Variants in NMUR2 observed in about 807,000 individuals in gnomAD.
NMUR2 encodes the protein neuromedin-U receptor 2.
Under a neutral mutation model 25.1 loss-of-function variants are expected in NMUR2, and 24 were observed. The ratio of observed to expected loss-of-function variants is 0.96; its 90% CI spans 0.69 to 1.34. The LOEUF (loss-of-function observed/expected upper bound fraction) is 1.34. NMUR2 is among the 40% of genes most tolerant of loss of function. NMUR2 has a pLI of 0.00. For missense variants in NMUR2, 533 were observed against 512.8 expected (o/e 1.04, Z -0.38); for synonymous variants, 218 against 208.1 (o/e 1.05, Z -0.41).
chr5:152,399,301 T>C (rs1304170267), intron 1 of NMUR2, among the ~76,000 whole-genome samples: 1 of 152,144 alleles, frequency 6.6e-6, no homozygotes, highest in Non-Finnish European at 1.5e-5. Flanking sequence ...TTAGGGAATG[T>C]ACTCCTTCCC....
Position 152,404,482 on chromosome 5 carries a change from C to G in NMUR2, c.632G>C (p.Trp211Ser), listed in dbSNP as rs747399497. ...GACCTGGATGATGAAATTGTAGATC[C>G]ACATGGGCTTGATGACCGTACAGGT... ...SATCTVIKPM[W>S]IYNFIIQVTS... Residue 211 changes from tryptophan to serine, a missense_variant, in exon 1 of 4, where the codon TGG (tryptophan) becomes TCG (serine). Transcript: ENST00000255262. 1.2e-6 allele frequency: 2 copies of G among 1,614,068 alleles called. No homozygotes were observed. Among genetic ancestry groups the G allele is most frequent in the South Asian group, 2.2e-5 (2 of 91,074 alleles).
chr5:152,402,194 G>T (rs553071134), intron 1 of NMUR2, among the ~76,000 whole-genome samples: 1 of 152,116 alleles, frequency 6.6e-6, no homozygotes, highest in African/African-American at 2.4e-5. Context: ...GAGCTTCCCT[G>T]AGGAAGCGTG....
At chr5:152,398,181 G>A (rs746455108) in intron 1 of NMUR2, 37 bp from the exon 2 acceptor site, 2 of 1,470,200 alleles carry the variant, frequency 1.4e-6, no homozygotes, top group East Asian at 2.3e-5. Context: ...TAGTAAGAAA[G>A]AGAAACATTT....
chr5:152,401,813 A>G (rs1753259449), intron 1 of NMUR2, among the ~76,000 whole-genome samples: 2 of 152,078 alleles, frequency 1.3e-5, no homozygotes, highest in African/African-American at 4.8e-5. Flanking sequence ...GAGCACAGAT[A>G]TGGGTTTCCT....
chr5:152,395,321 A>T, intron 3 of NMUR2, 138 bp downstream of exon 3: 1 of 956,564 alleles, frequency 1.0e-6, no homozygotes, highest in Non-Finnish European at 1.6e-6. Context: ...TCTCTGAATA[A>T]AAGAAAAATC....
intron 3 of NMUR2, 22 bp downstream of exon 3, chr5:152,395,434 GCAC>G: frequency 1.2e-6 from 2 of 1,613,054 alleles, no homozygotes; most frequent in Non-Finnish European, 1.7e-6. Flanking sequence ...TACTAGTCAT[GCAC>G]CAAATCCAGC....
At chr5:152,396,445 A>C (rs779336914) in intron 2 of NMUR2, among the ~76,000 whole-genome samples, 22 of 152,140 alleles carry the variant, frequency 1.4e-4, no homozygotes, top group Non-Finnish European at 2.6e-4. Context: ...TTTCATAGTA[A>C]GCAGTATTAT....
chr5:152,394,903 C>A (rs1753124198), intron 3 of NMUR2, among the ~76,000 whole-genome samples: 1 of 148,044 alleles, frequency 6.8e-6, no homozygotes, highest in Admixed American at 6.8e-5. Context: ...GTGAAGGCAG[C>A]CACGTTCTCC....
chr5:152,392,073 T>C lies in NMUR2; in HGVS notation c.*118A>G. On this transcript the variant is annotated 3_prime_UTR_variant, in exon 4 of 4. Transcript: ENST00000255262. ...TTATTAAAAAAAAAAAAACTAGCAA[T>C]GGGTACATGAGTTGTAAGAGCCATT... 1.2e-6 allele frequency: 1 copy of C among 826,678 alleles called. No individual in the cohort carries two copies. Among genetic ancestry groups the C allele is most frequent in the Admixed American group, 2.7e-5 (1 of 36,586 alleles). The allele number at this position is 826,678 out of a possible 1,614,324, so 51.2% of individuals were successfully genotyped here. A position where few individuals can be genotyped will look rare whatever the true frequency, so the allele number is the denominator to read the frequency against.
intron 2 of NMUR2, 24 bp downstream of exon 2, chr5:152,398,036 C>CAAAAA: frequency 1.3e-6 from 2 of 1,589,572 alleles, no homozygotes; most frequent in Non-Finnish European, 8.6e-7. Flanking sequence ...CAAAACAAAA[C>CAAAAA]AAAAAACAAA....
intron 2 of NMUR2, among the ~76,000 whole-genome samples, chr5:152,397,012 GTTTTTT>G (rs769998163): frequency 3.8e-5 from 4 of 105,728 alleles, no homozygotes; most frequent in South Asian, 3.6e-4. Flanking sequence ...TGAGCTTCAT[GTTTTTT>G]TTTTTTTTTT....
intron 1 of NMUR2, among the ~76,000 whole-genome samples, chr5:152,402,314 G>A (rs1046524883): frequency 1.3e-5 from 2 of 152,114 alleles, no homozygotes; most frequent in Admixed American, 6.5e-5. Flanking sequence ...AAGGCCCTGC[G>A]ATCAGTGACA....
chr5:152,400,281 G>A (rs192296343), intron 1 of NMUR2, among the ~76,000 whole-genome samples: 15 of 152,060 alleles, frequency 9.9e-5, no homozygotes, highest in Non-Finnish European at 1.6e-4. Flanking sequence ...GGACTAGAAA[G>A]GAAAAATCTG....
At position 152,399,875 on chromosome 5, in the gene NMUR2, C is replaced by T. The variant is rs544659181; in HGVS notation, c.727-1731G>A. Among the ~76,000 whole-genome samples, 6 of 152,224 alleles carry T rather than the reference C, an allele frequency of 3.9e-5. No individual in the cohort carries two copies. In the South Asian group the frequency reaches 1.2e-3, roughly 32 times the overall value. On this transcript the variant is annotated intron_variant, in intron 1 of 3. Transcript: ENST00000255262. ...TACAGTCATGGCAGTAGATTAGAAT[C>T]AATCTATTTAGTTACAGGTAGATAG...
chr5:152,395,597 G>T lies in NMUR2; in HGVS notation c.812-13C>A. The T allele has an allele frequency of 6.2e-7, 1 of 1,612,716 alleles. No homozygotes were observed. Among genetic ancestry groups the T allele is most frequent in the South Asian group, 1.1e-5 (1 of 90,942 alleles). On this transcript the variant is annotated splice_polypyrimidine_tract_variant and intron_variant, in intron 2 of 3. Transcript: ENST00000255262. Reference sequence around the variant, plus strand: ...AAGACCAAGACAACTGAAAATGGATGATAAATGGGAGACCAGAAGACAGTC... The same window carrying T: ...AAGACCAAGACAACTGAAAATGGATTATAAATGGGAGACCAGAAGACAGTC...
Position 152,394,907 on chromosome 5 carries a change from G to A in NMUR2, c.937+552C>T, listed in dbSNP as rs139055421. 1.7e-4 allele frequency among the ~76,000 whole-genome samples: 23 copies of A among 138,052 alleles called. No individual in the cohort carries two copies. In the East Asian group the frequency reaches 2.9e-3, roughly 17 times the overall value. The allele number at this position is 138,052 out of a possible 152,430, so 90.6% of individuals were successfully genotyped here. A position where few individuals can be genotyped will look rare whatever the true frequency, so the allele number is the denominator to read the frequency against. On this transcript the variant is annotated intron_variant, in intron 3 of 3. Transcript: ENST00000255262. ...GAAACTTTGGTGTGAAGGCAGCCAC[G>A]TTCTCCAGATCACTCAGAATAGCAA...
At chr5:152,394,082 T>C (rs1329483911) in intron 3 of NMUR2, among the ~76,000 whole-genome samples, 1 of 152,160 alleles carries the variant, frequency 6.6e-6, no homozygotes, top group African/African-American at 2.4e-5. Flanking sequence ...ATGTCATTAT[T>C]GAGGCTATAA....
intron 1 of NMUR2, among the ~76,000 whole-genome samples, chr5:152,402,586 T>A (rs1753275741): frequency 6.6e-6 from 1 of 152,196 alleles, no homozygotes; most frequent in South Asian, 2.1e-4. Flanking sequence ...ATGAAACTGA[T>A]TGTAACAGAT....
At position 152,404,700 on chromosome 5, in the gene NMUR2, G is replaced by T. The variant is rs1460703882; in HGVS notation, c.414C>A (p.Thr138=). The T allele has an allele frequency of 1.9e-6, 3 of 1,614,174 alleles. No individual in the cohort carries two copies. Among genetic ancestry groups the T allele is most frequent in the South Asian group, 2.2e-5 (2 of 91,084 alleles). ...CCACGTAGCGCTCCACGCTGACGGT[G>T]GTGATGCTGAGGATGGAGGCGAAGC... The part of the protein sequence containing the change: ...TVCFASILSI[T]TVSVERYVAI... The change falls in exon 1 of 4, where the codon ACC becomes ACA. Residue 138 remains threonine (T), a synonymous_variant. Coordinates refer to ENST00000255262, the MANE Select transcript of NMUR2 (RefSeq NM_020167.5).
Sources: gnomAD v4.1 joint callset for allele counts (sites outside exome capture counted in the v4.1 genomes callset) on GRCh38, gnomAD v4.1.1 for gene constraint, MANE v1.5 for transcripts, NCBI Gene and HGNC (gene_info 2026-07-23, HGNC 2026-07-21) for gene names.